Variants in POFUT1 observed in about 807,000 individuals in gnomAD.
POFUT1 encodes protein O-fucosyltransferase 1.
In POFUT1, 16 loss-of-function variants were observed where a neutral mutation model predicts 42.4. The observed-to-expected ratio is 0.38, with a 90% CI of 0.26 to 0.57. POFUT1 has a LOEUF of 0.57. Among genes scored for constraint, POFUT1 ranks in the 20% least tolerant of loss-of-function variants. The pLI, the probability that POFUT1 is intolerant of heterozygous loss-of-function variation, is 0.71. For missense variants in POFUT1, 470 were observed against 504.6 expected, an observed-to-expected ratio of 0.93 and a Z score of 0.66; for synonymous variants, 206 against 205.4, an observed-to-expected ratio of 1.00 and a Z score of -0.03.
Position 32,216,604 on chromosome 20 carries a change from TG to T in POFUT1, c.430-4del. ...AGTAAGCCTTCCACCACTCTCTTTC[TG>T]CAGGAAGGAAACCCCTTTGGCCCAT... On this transcript the variant is annotated splice_region_variant and splice_polypyrimidine_tract_variant and intron_variant, in intron 3 of 6. Coordinates refer to ENST00000375749, the MANE Select transcript of POFUT1 (RefSeq NM_015352.2). 6.3e-7 allele frequency: 1 copy of T among 1,593,358 alleles called. No homozygotes were observed. The highest frequency in any genetic ancestry group is 1.1e-5 in the South Asian group (1 of 90,650).
At position 32,237,781 on chromosome 20, in the gene POFUT1, C is replaced by T; in HGVS notation, c.*3120C>T. 1.9e-6 allele frequency: 1 copy of T among 534,674 alleles called. No homozygotes were observed. The highest frequency in any genetic ancestry group is 3.8e-6 in the Non-Finnish European group (1 of 260,072). The allele number at this position is 534,674 out of a possible 1,614,324, so 33.1% of individuals were successfully genotyped here. A position where few individuals can be genotyped will look rare whatever the true frequency, so the allele number is the denominator to read the frequency against. ...AGAGAGACCAGTGCAGGGCTGTTAACAGGGTTGCAGGCGAGAGACTGGGGT... is the reference window on the plus strand; with the variant it reads ...AGAGAGACCAGTGCAGGGCTGTTAATAGGGTTGCAGGCGAGAGACTGGGGT... On this transcript the variant is annotated 3_prime_UTR_variant, in exon 7 of 7. Transcript: ENST00000375749.
rs1046503705 is a variant in POFUT1, at chr20:32,223,682, C to T, written c.543-4581C>T. The T allele has an allele frequency of 3.3e-5, 33 of 985,236 alleles. No individual in the cohort carries two copies. The South Asian group carries it at 4.7e-4, about 14-fold the overall frequency. The allele number at this position is 985,236 out of a possible 1,614,324, so 61.0% of individuals were successfully genotyped here. Reference sequence around the variant, plus strand: ...CTTCTCTAACCCCTGACAGCCTGATCGGGTCTTTCTGGTGAGGTCCCCAAA... The same window carrying T: ...CTTCTCTAACCCCTGACAGCCTGATTGGGTCTTTCTGGTGAGGTCCCCAAA... On this transcript the variant is annotated intron_variant, in intron 4 of 6. Transcript: ENST00000375749.
chr20:32,215,875 C>T (rs2047357347), intron 3 of POFUT1, among the ~76,000 whole-genome samples: 1 of 152,186 alleles, frequency 6.6e-6, no homozygotes, highest in South Asian at 2.1e-4. Flanking sequence ...ATAATATCCC[C>T]ACTTCATAGA....
chr20:32,216,506 C>T, intron 3 of POFUT1, 103 bp from the exon 4 acceptor site: 1 of 716,742 alleles, frequency 1.4e-6, no homozygotes, highest in Non-Finnish European at 2.5e-6. Context: ...GTGTTTTGGC[C>T]TGAGTCACAT....
intron 4 of POFUT1, chr20:32,217,643 G>A: frequency 1.0e-6 from 1 of 985,870 alleles, no homozygotes; most frequent in Non-Finnish European, 1.2e-6. Flanking sequence ...GCCAAGGAGT[G>A]AGATAGCCAG....
At chr20:32,216,977 CAG>C in intron 4 of POFUT1, 6 of 1,610,782 alleles carry the variant, frequency 3.7e-6, no homozygotes, top group Non-Finnish European at 5.1e-6. Context: ...GAACATTCTG[CAG>C]TCGCATGAGT....
At chr20:32,228,560 C>T (rs2047426862) in intron 5 of POFUT1, 105 bp downstream of exon 5, 1 of 950,880 alleles carries the variant, frequency 1.1e-6, no homozygotes, top group African/African-American at 1.6e-5. Flanking sequence ...AGAGATCTCT[C>T]ACTTGTTCTG....
intron 3 of POFUT1, among the ~76,000 whole-genome samples, 155 bp downstream of exon 3, chr20:32,215,606 T>C (rs1476602308): frequency 6.6e-6 from 1 of 152,220 alleles, no homozygotes; most frequent in East Asian, 1.9e-4. Flanking sequence ...TTAGCGAAGC[T>C]GCATCACCTT....
At chr20:32,214,850 T>G (rs2047350189) in intron 2 of POFUT1, among the ~76,000 whole-genome samples, 1 of 152,198 alleles carries the variant, frequency 6.6e-6, no homozygotes, top group Non-Finnish European at 1.5e-5. Context: ...TGAAAACTTT[T>G]AATTGTCATG....
chr20:32,213,397 A>C (rs1421798804), intron 2 of POFUT1, among the ~76,000 whole-genome samples: 1 of 151,012 alleles, frequency 6.6e-6, no homozygotes, highest in African/African-American at 2.4e-5. Flanking sequence ...CGAAGTTTGC[A>C]GTGAGCCGAG....
intron 4 of POFUT1, among the ~76,000 whole-genome samples, chr20:32,222,465 C>T (rs566274467): frequency 2.0e-5 from 3 of 152,166 alleles, no homozygotes; most frequent in Admixed American, 2.0e-4. Context: ...TTTTAAGAAG[C>T]CTTCCCGGAA....
At chr20:32,212,726 A>T (rs1391094760) in intron 2 of POFUT1, among the ~76,000 whole-genome samples, 1 of 152,084 alleles carries the variant, frequency 6.6e-6, no homozygotes. Context: ...GACTACAGGC[A>T]TGTGCCACCA....
intron 2 of POFUT1, 51 bp from the exon 3 acceptor site, chr20:32,215,218 A>G: frequency 6.9e-7 from 1 of 1,459,566 alleles, no homozygotes; most frequent in African/African-American, 1.4e-5. Context: ...AAATGTCTAA[A>G]GTAGCCACGG....
At position 32,230,806 on chromosome 20, in the gene POFUT1, C is replaced by T. The variant is rs137890154; in HGVS notation, c.736-13C>T. 4.9e-4 allele frequency: 783 copies of T among 1,611,580 alleles called. 3 individuals carry two copies. In the African/African-American group the frequency reaches 9.8e-3, roughly 20 times the overall value. ...AGTTGCCAGTATTTAACCCTGTTCCCCGCTCTCCGTAGAAGAACGCCTGTG... is the reference window on the plus strand; with the variant it reads ...AGTTGCCAGTATTTAACCCTGTTCCTCGCTCTCCGTAGAAGAACGCCTGTG... On this transcript the variant is annotated splice_polypyrimidine_tract_variant and intron_variant, in intron 5 of 6. Transcript: ENST00000375749.
At chr20:32,224,526 T>G (rs1446703910) in intron 4 of POFUT1, among the ~76,000 whole-genome samples, 1 of 152,076 alleles carries the variant, frequency 6.6e-6, no homozygotes, top group Non-Finnish European at 1.5e-5. Context: ...GTGGGAGCAA[T>G]GGCAAACAGG....
Position 32,210,174 on chromosome 20 carries a change from C to T in POFUT1, c.228C>T (p.His76=). The change falls in exon 2 of 7, where the codon CAC becomes CAT. Residue 76 remains histidine (H), a synonymous_variant. Transcript: ENST00000375749. Reference sequence around the variant, plus strand: ...CTCCTTGGATTGAGTACCAGCATCACAAGCCTCCTTTCACCAACGTGAGTA... The same window carrying T: ...CTCCTTGGATTGAGTACCAGCATCATAAGCCTCCTTTCACCAACGTGAGTA... ...AVPPWIEYQH[H]KPPFTNLHVS... 4.3e-6 allele frequency: 7 copies of T among 1,614,164 alleles called. No homozygotes were observed. Among genetic ancestry groups the T allele is most frequent in the Non-Finnish European group, 5.1e-6 (6 of 1,179,994 alleles).
intron 4 of POFUT1, among the ~76,000 whole-genome samples, chr20:32,218,329 G>A (rs1464531510): frequency 6.6e-6 from 1 of 152,082 alleles, no homozygotes; most frequent in Non-Finnish European, 1.5e-5. Context: ...TGTACAAACA[G>A]GGTCTTGCTA....
chr20:32,215,906 A>G (rs890155457), intron 3 of POFUT1, among the ~76,000 whole-genome samples: 3 of 152,256 alleles, frequency 2.0e-5, no homozygotes, highest in African/African-American at 7.2e-5. Context: ...AGGATGGCAC[A>G]GAGAGGGTCA....
chr20:32,212,474 C>T (rs999083632), intron 2 of POFUT1, among the ~76,000 whole-genome samples: 2 of 152,140 alleles, frequency 1.3e-5, no homozygotes, highest in African/African-American at 4.8e-5. Flanking sequence ...CTATGTTTCC[C>T]AGGCTGGTCT....
Sources: allele counts gnomAD v4.1 joint callset (sites outside exome capture counted in the v4.1 genomes callset), GRCh38; gene constraint gnomAD v4.1.1; transcripts MANE v1.5; gene names NCBI Gene and HGNC (gene_info 2026-07-23, HGNC 2026-07-21).